FARS2: variants seen among roughly 807,000 people sequenced by gnomAD.
The protein encoded by FARS2 is phenylalanyl-tRNA synthetase 2, mitochondrial.
In FARS2, 40 loss-of-function variants were observed where a neutral mutation model predicts 46.4. The observed-to-expected ratio is 0.86, with a 90% confidence interval of 0.67 to 1.12. FARS2 has a LOEUF of 1.12. FARS2 is among the 50% of genes most tolerant of loss of function. The pLI is 0.00. For missense variants in FARS2, 513 were observed against 567.9 expected (o/e 0.90, Z 0.98); for synonymous variants, 234 against 214.9 (o/e 1.09, Z -0.78).
At chr6:5,533,600 A>G (rs767509507) in intron 4 of FARS2, among the ~76,000 whole-genome samples, 1 of 152,214 alleles carries the variant, frequency 6.6e-6, no homozygotes, top group Non-Finnish European at 1.5e-5. Context: ...CTAGCAGGGG[A>G]GTCTGAAGGT....
chr6:5,492,058 T>A (rs898339350), intron 4 of FARS2, among the ~76,000 whole-genome samples: 168 of 152,190 alleles, frequency 1.1e-3, no homozygotes, highest in African/African-American at 4.0e-3. Flanking sequence ...GTTATCTAGG[T>A]CAATAAAAAC....
intron 1 of FARS2, among the ~76,000 whole-genome samples, chr6:5,341,213 ATATATATATATATATATATATATTTT>A (rs1397851679): frequency 1.1e-3 from 17 of 15,918 alleles, no homozygotes; most frequent in Admixed American, 3.6e-3. Flanking sequence ...ATATATATAT[ATATATATATATATATATATATATTTT>A]TTTTTTTTTT....
At chr6:5,739,775 T>C (rs7741798) in intron 6 of FARS2, among the ~76,000 whole-genome samples, 83,339 of 152,046 alleles carry the variant, frequency 0.55, 25,342 homozygotes, top group African/African-American at 0.82. Flanking sequence ...TCAGGCAGGA[T>C]GGTGCCTAGT....
chr6:5,619,069 T>A (rs146846446), intron 6 of FARS2, among the ~76,000 whole-genome samples: 1 of 152,320 alleles, frequency 6.6e-6, no homozygotes, highest in African/African-American at 2.4e-5. Flanking sequence ...CTTAGCAAAA[T>A]GGGGTATGAG....
chr6:5,638,319 C>T (rs1179981794), intron 6 of FARS2, among the ~76,000 whole-genome samples: 1 of 152,214 alleles, frequency 6.6e-6, no homozygotes, highest in East Asian at 1.9e-4. Flanking sequence ...CATCCCAGCA[C>T]TTTGGGAGGC....
rs1333073563 is a variant in FARS2 at position 5,609,327 on chromosome 6, G to A, written c.1066-3842G>A. 2.5e-5 allele frequency: 29 copies of A among 1,156,702 alleles called. 1 individual carries two copies. The highest frequency in any genetic ancestry group is 3.2e-5 in the Non-Finnish European group (25 of 775,438). 71.7% of individuals were successfully genotyped at this position (1,156,702 alleles called of 1,614,324 possible). On this transcript the variant is annotated intron_variant, in intron 5 of 6. Transcript: ENST00000274680. ...AAAGTATTGGCCTCTACCACCATAGGGACCAGAGCTTCTGCCTCCAAAGTT... is the reference window on the plus strand; with the variant it reads ...AAAGTATTGGCCTCTACCACCATAGAGACCAGAGCTTCTGCCTCCAAAGTT...
chr6:5,719,396 T>TGA (rs375365322), intron 6 of FARS2, among the ~76,000 whole-genome samples: 1 of 123,052 alleles, frequency 8.1e-6, no homozygotes, highest in Non-Finnish European at 1.6e-5. Context: ...CAAAAAAAAT[T>TGA]AAAAAAAAAA....
rs757124897 is a variant in FARS2, at chr6:5,764,686, G to A, written c.1218-6605G>A. On this transcript the variant is annotated intron_variant, in intron 6 of 6. Transcript: ENST00000274680. This position sits in a 1 kb window ranked among gnomAD's most constrained non-coding sequence, Gnocchi z 4.1. The stretch of plus-strand genomic sequence containing the variant: ...GCGCACCATCCAAGAACATGAAGTC[G>A]CTGCTCTGTCACAGATGGAGAAGCA... Among the ~76,000 whole-genome samples, 37 of 152,188 alleles carry A rather than the reference G, an allele frequency of 2.4e-4. No homozygotes were observed. Among genetic ancestry groups the A allele is most frequent in the Non-Finnish European group, 5.0e-4 (34 of 68,034 alleles).
upstream of FARS2, among the ~76,000 whole-genome samples, chr6:5,260,339 C>CT (rs200421123): frequency 7.7e-3 from 1,167 of 152,324 alleles, 6 homozygotes; most frequent in Non-Finnish European, 0.013. Context: ...ATTTCCATCC[C>CT]TTTTTTCTCT....
chr6:5,346,010 G>A (rs1315733213), intron 1 of FARS2, among the ~76,000 whole-genome samples: 2 of 152,206 alleles, frequency 1.3e-5, no homozygotes, highest in Non-Finnish European at 2.9e-5. Context: ...GGGCATGGCG[G>A]TGTGGGAGAG....
chr6:5,250,565 T>C, the FARS2 span, among the ~76,000 whole-genome samples: 2 of 152,322 alleles, frequency 1.3e-5, no homozygotes, highest in Admixed American at 6.5e-5. Context: ...TTAACAATAA[T>C]GAATAATCTT....
intron 6 of FARS2, among the ~76,000 whole-genome samples, chr6:5,704,070 G>T (rs537238438): frequency 1.3e-5 from 2 of 152,284 alleles, no homozygotes; most frequent in East Asian, 1.9e-4. Flanking sequence ...AGATGCCAAC[G>T]CTGGTCAGCT....
At chr6:5,735,103 T>G (rs1389709784) in intron 6 of FARS2, among the ~76,000 whole-genome samples, 1 of 152,240 alleles carries the variant, frequency 6.6e-6, no homozygotes, top group Admixed American at 6.5e-5. Context: ...AAACAAAGTC[T>G]AGAAACTTTA....
intron 5 of FARS2, among the ~76,000 whole-genome samples, chr6:5,561,268 C>T (rs1226725092): frequency 1.3e-5 from 2 of 152,100 alleles, no homozygotes; most frequent in Non-Finnish European, 2.9e-5. Context: ...TCAAATTTTA[C>T]ACACACTGTT....
rs78581047 is a variant in FARS2 at position 5,467,144 on chromosome 6, G to A, written c.904+35972G>A. 10 of 913,556 alleles carry A rather than the reference G, an allele frequency of 1.1e-5. No homozygotes were observed. In the South Asian group the frequency reaches 4.5e-4, roughly 41 times the overall value. 56.6% of individuals were successfully genotyped at this position (913,556 alleles called of 1,614,324 possible). On this transcript the variant is annotated intron_variant, in intron 4 of 6. Transcript: ENST00000274680. The stretch of plus-strand genomic sequence containing the variant: ...TTTAAGAATTAGTTTGTTTAAATTA[G>A]ATTAAATGTTTCTATCTGTGGTTTA...
chr6:5,617,644 A>T (rs1056361315), intron 6 of FARS2, among the ~76,000 whole-genome samples: 8 of 152,118 alleles, frequency 5.3e-5, no homozygotes, highest in African/African-American at 1.4e-4. Flanking sequence ...AGTTGAATTG[A>T]GGGTATTCTT....
At chr6:5,652,511 G>T (rs1184575926) in intron 6 of FARS2, among the ~76,000 whole-genome samples, 2 of 152,286 alleles carry the variant, frequency 1.3e-5, no homozygotes, top group South Asian at 2.1e-4. Context: ...TCTTTCAAAG[G>T]ACAAGTTCCC....
chr6:5,508,395 C>T (rs1279270546), intron 4 of FARS2, among the ~76,000 whole-genome samples: 1 of 152,212 alleles, frequency 6.6e-6, no homozygotes, highest in Non-Finnish European at 1.5e-5. Flanking sequence ...ATAAGATGAG[C>T]AGATAATTCA....
At chr6:5,741,561 G>T (rs1228068160) in intron 6 of FARS2, among the ~76,000 whole-genome samples, 1 of 152,216 alleles carries the variant, frequency 6.6e-6, no homozygotes, top group East Asian at 1.9e-4. Flanking sequence ...CTCCCATGGG[G>T]TCTATAACCC....
Sources: gnomAD v4.1 joint callset for allele counts (sites outside exome capture counted in the v4.1 genomes callset) on GRCh38, gnomAD v4.1.1 for gene constraint, Gnocchi (gnomAD v3.1) non-coding constraint, MANE v1.5 for transcripts, NCBI Gene and HGNC (gene_info 2026-07-23, HGNC 2026-07-21) for gene names.